The following NAIP variants were observed in gnomAD, a reference collection of about 807,000 sequenced individuals.
NAIP encodes baculoviral IAP repeat-containing protein 1.
NAIP carries 15 observed loss-of-function variants against 23.0 expected under a neutral mutation model. The ratio of observed to expected loss-of-function variants is 0.65; its 90% CI spans 0.44 to 1.00. The LOEUF (loss-of-function observed/expected upper bound fraction) is 1.00, where lower values mean the gene tolerates loss of function less well. Among genes scored for constraint, NAIP ranks in the 50% least tolerant of loss-of-function variants. NAIP has a pLI of 0.00. For synonymous variants in NAIP, 100 were observed against 100.2 expected, an observed-to-expected ratio of 1.00 and a Z score of 0.01; for missense variants, 265 against 278.8, an observed-to-expected ratio of 0.95 and a Z score of 0.35.
chr5:71,010,748 C>A (rs1239397511), intron 5 of NAIP, among the ~76,000 whole-genome samples: 1 of 151,404 alleles, frequency 6.6e-6, no homozygotes, highest in Admixed American at 6.6e-5. Context: ...CAAAACCTAT[C>A]TTAGAATTTG....
At chr5:70,996,717 C>T (rs1411680440) in intron 9 of NAIP, among the ~76,000 whole-genome samples, 1 of 135,192 alleles carries the variant, frequency 7.4e-6, no homozygotes, top group East Asian at 2.4e-4. Flanking sequence ...TGGCATGAAC[C>T]CAGGAGGCGG....
chr5:71,007,277 C>A (rs1750914318), intron 5 of NAIP, among the ~76,000 whole-genome samples: 1 of 84,506 alleles, frequency 1.2e-5, no homozygotes, highest in African/African-American at 4.5e-5. Flanking sequence ...CGTCAGGGAG[C>A]CAGAGTGACT....
chr5:71,011,298 C>T lies in NAIP; in HGVS notation c.645G>A (p.Lys215=), dbSNP rs1751143512. 9.4e-6 allele frequency: 15 copies of T among 1,602,740 alleles called. 1 individual carries two copies. The highest frequency in any genetic ancestry group is 1.3e-5 in the Non-Finnish European group (15 of 1,173,798). The change falls in exon 5 of 17, where the codon AAG becomes AAA. Residue 215 remains lysine (K), a synonymous_variant. Coordinates refer to ENST00000517649, the MANE Select transcript of NAIP (RefSeq NM_004536.3). ...ACTTGGGGAACCATTTGGCATGTTC[C>T]TTCCAAGGATCATCTCCTTCTTCCC... ...GNWEEGDDPW[K]EHAKWFPKCE... is the part of the protein sequence containing the mutation.
chr5:71,012,215 A>T, intron 4 of NAIP, 133 bp downstream of exon 4: 1 of 766,216 alleles, frequency 1.3e-6, no homozygotes, highest in Non-Finnish European at 2.0e-6. Flanking sequence ...AATTTTAATA[A>T]ACTAGACCTT....
chr5:71,014,808 C>T lies in NAIP; in HGVS notation c.-3-1890G>A, dbSNP rs570237461. Among the ~76,000 whole-genome samples, 26 of 151,490 alleles carry T rather than the reference C, an allele frequency of 1.7e-4. 1 individual carries two copies. The highest frequency in any genetic ancestry group is 5.3e-4 in the African/African-American group (22 of 41,368). ...ATCCCAGCTACTCAGGAGGCTGAGG[C>T]GGGAGAATCAGTTGAACCTGGGAGG... On this transcript the variant is annotated intron_variant, in intron 3 of 16. Coordinates refer to ENST00000517649, the MANE Select transcript of NAIP (RefSeq NM_004536.3).
At chr5:71,017,469 G>A (rs1000384897) in intron 3 of NAIP, among the ~76,000 whole-genome samples, 3 of 121,134 alleles carry the variant, frequency 2.5e-5, no homozygotes, top group Non-Finnish European at 3.9e-5. Context: ...GGGCACAGTG[G>A]CTCACACCTG....
At chr5:71,010,193 G>C (rs1355177531) in intron 5 of NAIP, among the ~76,000 whole-genome samples, 1 of 151,484 alleles carries the variant, frequency 6.6e-6, no homozygotes, top group East Asian at 1.9e-4. Context: ...ATGCAGCCTT[G>C]ACTACCTGGG....
intron 7 of NAIP, 41 bp from the exon 8 acceptor site, chr5:71,001,858 C>CT: frequency 0.016 from 12 of 732 alleles, no homozygotes; most frequent in South Asian, 0.047. Context: ...AGGCTTTAGT[C>CT]TTTTTTTTTT....
rs760957598 is a variant in NAIP, at chr5:71,010,824, C to T, written c.668+451G>A. Among the ~76,000 whole-genome samples, 16 of 151,314 alleles carry T rather than the reference C, an allele frequency of 1.1e-4. 1 individual carries two copies. The highest frequency in any genetic ancestry group is 2.1e-4 in the Non-Finnish European group (14 of 67,818). Reference sequence around the variant, plus strand: ...TCAAACTTTTCACAATGTAATTAGGCCTTTCCTGCTTGAATAAATCCTGGA... The same window carrying T: ...TCAAACTTTTCACAATGTAATTAGGTCTTTCCTGCTTGAATAAATCCTGGA... On this transcript the variant is annotated intron_variant, in intron 5 of 16. Transcript: ENST00000517649.
intron 3 of NAIP, among the ~76,000 whole-genome samples, chr5:71,016,027 C>A (rs1751428331): frequency 6.9e-6 from 1 of 144,220 alleles, no homozygotes; most frequent in Non-Finnish European, 1.5e-5. Context: ...ATACCTATAA[C>A]CCCAATGCTC....
rs1017612196 is a variant in NAIP at position 70,989,214 on chromosome 5, AAAAC to A, written c.1023-1344_1023-1341del. Among the ~76,000 whole-genome samples, 278 of 89,302 alleles carry A rather than the reference AAAAC, an allele frequency of 3.1e-3. 1 individual carries two copies. Among genetic ancestry groups the A allele is most frequent in the Non-Finnish European group, 3.8e-3 (190 of 50,074 alleles). 58.6% of individuals were successfully genotyped at this position (89,302 alleles called of 152,430 possible). On this transcript the variant is annotated intron_variant, in intron 9 of 16. Transcript: ENST00000517649. ...GCAACAGGAGTGAAACTCTGTCTCA[AAAAC>A]AAACAAACAAACAAACAAAAAACTA...
At chr5:71,002,779 T>C (rs1319141180) in intron 6 of NAIP, among the ~76,000 whole-genome samples, 4 of 86,716 alleles carry the variant, frequency 4.6e-5, no homozygotes, top group Non-Finnish European at 9.8e-5. Context: ...CAGCTCGGCC[T>C]CCCAAAGGGC....
chr5:71,013,348 C>T (rs572878549), intron 3 of NAIP, among the ~76,000 whole-genome samples: 109 of 151,320 alleles, frequency 7.2e-4, no homozygotes, highest in African/African-American at 2.5e-3. Context: ...TTTTAAGTCT[C>T]GGTGCTCTGG....
At chr5:70,971,716 A>G (rs1275685983) in intron 16 of NAIP, 2 of 78,464 alleles carry the variant, frequency 2.5e-5, no homozygotes, top group African/African-American at 7.1e-5. Flanking sequence ...GTCCACTGCT[A>G]TGCCCTATTT....
chr5:71,012,573 C>T lies in NAIP; in HGVS notation c.343G>A (p.Glu115Lys), dbSNP rs776402634. ...TCTGGATGAAACCTCTTGTGGTCTT[C>T]TATGGGGAGTCTCGTGAGGCCGGCA... ...FGAGLTRLPI[E>K]DHKRFHPDCG... The change falls in exon 4 of 17, where the codon GAA becomes AAA. Residue 115 changes from glutamate to lysine, a missense_variant. Transcript: ENST00000517649. 1.2e-6 allele frequency: 2 copies of T among 1,611,834 alleles called. No homozygotes were observed. The highest frequency in any genetic ancestry group is 1.7e-6 in the Non-Finnish European group (2 of 1,178,482).
In NAIP at chr5:71,012,361, GCCAGCC is replaced by G; in HGVS notation, c.549_554del (p.Glu183_Gly185delinsAsp). On this transcript the variant is annotated inframe_deletion, in exon 4 of 17. Transcript: ENST00000517649. Reference sequence around the variant, plus strand: ...ATTTCAAGGTACCTGTAAAGACAAAGCCAGCCTCTGAGAGCACACAAGGGGATATCC... The same window carrying G: ...ATTTCAAGGTACCTGTAAAGACAAAGTCTGAGAGCACACAAGGGGATATCC... 1 of 1,604,972 alleles carries G rather than the reference GCCAGCC, an allele frequency of 6.2e-7. No homozygotes were observed. Among genetic ancestry groups the G allele is most frequent in the South Asian group, 1.1e-5 (1 of 90,030 alleles).
chr5:71,012,706 A>G lies in NAIP; in HGVS notation c.210T>C (p.Tyr70=), dbSNP rs1212913591. The change falls in exon 4 of 17, where the codon TAT becomes TAC. Residue 70 remains tyrosine (Y), a synonymous_variant. Coordinates refer to ENST00000517649, the MANE Select transcript of NAIP (RefSeq NM_004536.3). ...EAKRLKTFVT[Y]EPYSSWIPQE... Reference sequence around the variant, plus strand: ...GTGGTATCCATGAGCTGTACGGCTCATAAGTCACAAAAGTCTTTAACCTTT... The same window carrying G: ...GTGGTATCCATGAGCTGTACGGCTCGTAAGTCACAAAAGTCTTTAACCTTT... The G allele has an allele frequency of 6.8e-6, 11 of 1,611,866 alleles. 2 individuals carry two copies. The highest frequency in any genetic ancestry group is 5.3e-5 in the African/African-American group (4 of 74,836).
intron 3 of NAIP, among the ~76,000 whole-genome samples, chr5:71,013,659 A>G (rs942326950): frequency 3.0e-5 from 4 of 134,136 alleles, no homozygotes; most frequent in East Asian, 2.2e-4. Context: ...AAAAAAAAAA[A>G]GAAGCTCAGT....
At position 71,012,633 on chromosome 5, in the gene NAIP, T is replaced by A; in HGVS notation, c.283A>T (p.Ile95Phe). 1.2e-6 allele frequency: 2 copies of A among 1,611,982 alleles called. No homozygotes were observed. The highest frequency in any genetic ancestry group is 1.7e-6 in the Non-Finnish European group (2 of 1,178,494). Residue 95 changes from isoleucine (I) to phenylalanine (F), a missense_variant, in exon 4 of 17, where the codon ATT becomes TTT. Ile to Phe is a conservative substitution (Grantham distance 21, BLOSUM62 0). Around this residue, in one of 2 missense-constraint regions of NAIP, gnomAD observed 261 missense variants for 259.2 expected, o/e 1.01. Coordinates refer to ENST00000517649, the MANE Select transcript of NAIP (RefSeq NM_004536.3). ...GFYFTGVKSG[I>F]QCFCCSLILF... ...ATTAGGCTACAGCAGAAGCACTGAA[T>A]CCCAGATTTTACCCCAGTGAAGTAA... is the stretch of plus-strand genomic sequence containing the variant.
Sources: allele counts gnomAD v4.1 joint callset (sites outside exome capture counted in the v4.1 genomes callset), GRCh38; gene constraint gnomAD v4.1.1; regional missense constraint gnomAD v4.1.1; transcripts MANE v1.5; gene names NCBI Gene and HGNC (gene_info 2026-07-23, HGNC 2026-07-21).